HVCN1: variants seen among roughly 807,000 people sequenced by gnomAD.
HVCN1 encodes voltage-gated hydrogen channel 1.
HVCN1 carries 14 observed loss-of-function variants against 29.2 expected under a neutral mutation model. The observed-to-expected ratio is 0.48, with a 90% confidence interval of 0.32 to 0.75. The LOEUF (loss-of-function observed/expected upper bound fraction) is 0.75. HVCN1 is among the 30% of genes least tolerant of loss of function. The probability of loss-of-function intolerance (pLI) is 0.04; values close to 1 mark genes in which losing one functional copy is unlikely to be tolerated. For synonymous variants in HVCN1, 131 were observed against 133.2 expected (o/e 0.98, Z 0.11); for missense variants, 263 against 341.8 (o/e 0.77, Z 1.82).
upstream of HVCN1, among the ~76,000 whole-genome samples, chr12:110,691,825 A>G (rs933600123): frequency 6.6e-5 from 10 of 151,234 alleles, no homozygotes; most frequent in African/African-American, 2.5e-4. Flanking sequence ...CTCCCTGGGT[A>G]CTTGCCTCTG....
intron 5 of HVCN1, 111 bp from the exon 6 acceptor site, chr12:110,651,559 T>C: frequency 1.4e-6 from 1 of 712,394 alleles, no homozygotes; most frequent in Non-Finnish European, 2.5e-6. Context: ...GGTGGACAAA[T>C]CCAGATGCCC....
At chr12:110,693,251 C>T (rs1358396989), upstream of HVCN1, among the ~76,000 whole-genome samples, 1 of 151,948 alleles carries the variant, frequency 6.6e-6, no homozygotes, top group Admixed American at 6.6e-5. Context: ...GCATTACAAA[C>T]GTCACTAACT....
rs560463058 is a variant in HVCN1, at chr12:110,650,461, A to T, written c.644-181T>A. Among the ~76,000 whole-genome samples, 3 of 152,308 alleles carry T rather than the reference A, an allele frequency of 2.0e-5. No homozygotes were observed. The South Asian group carries it at 6.2e-4, about 32-fold the overall frequency. Reference sequence around the variant, plus strand: ...TTTGTGTCTGAGCTACTTAGTACCCAGTTACACAGTATCTCTCTTTAGCTG... The same window carrying T: ...TTTGTGTCTGAGCTACTTAGTACCCTGTTACACAGTATCTCTCTTTAGCTG... On this transcript the variant is annotated intron_variant, in intron 6 of 7. Transcript: ENST00000242607.
chr12:110,678,231 G>A (rs1308140394), intron 3 of HVCN1, among the ~76,000 whole-genome samples: 1 of 152,130 alleles, frequency 6.6e-6, no homozygotes, highest in Non-Finnish European at 1.5e-5. Flanking sequence ...TCCTCCTGCG[G>A]GACCCCTCAT....
chr12:110,702,712 T>TGGCACAATCTTGGCTCACTGCAAC (rs1251180847), intron 1 of HVCN1, among the ~76,000 whole-genome samples: 1 of 151,460 alleles, frequency 6.6e-6, no homozygotes, highest in Non-Finnish European at 1.5e-5. Context: ...TGGAGTGCAA[T>TGGCACAATCTTGGCTCACTGCAAC]GGCACAATCT....
Position 110,661,018 on chromosome 12 carries a change from G to C in HVCN1, c.306+146C>G. The C allele has an allele frequency of 3.9e-6, 3 of 771,128 alleles. No homozygotes were observed. The highest frequency in any genetic ancestry group is 6.5e-6 in the Non-Finnish European group (3 of 459,670). The allele number at this position is 771,128 out of a possible 1,614,324, so 47.8% of individuals were successfully genotyped here. ...CCTACCGCATTCCCAGCACGGTACAGGGTCCCCGGCACGTGGTAGGTGCTG... is the reference window on the plus strand; with the variant it reads ...CCTACCGCATTCCCAGCACGGTACACGGTCCCCGGCACGTGGTAGGTGCTG... On this transcript the variant is annotated intron_variant, in intron 4 of 7. Coordinates refer to ENST00000242607, the MANE Select transcript of HVCN1 (RefSeq NM_032369.4). This position sits in a 1 kb window ranked among gnomAD's most constrained non-coding sequence, Gnocchi z 6.2.
At chr12:110,704,027 A>T (rs1217450792) in intron 1 of HVCN1, among the ~76,000 whole-genome samples, 2 of 152,064 alleles carry the variant, frequency 1.3e-5, no homozygotes, top group Non-Finnish European at 2.9e-5. Context: ...CTTATTAAAA[A>T]TTTTTTGGGA....
intron 5 of HVCN1, 128 bp from the exon 6 acceptor site, chr12:110,651,576 G>A: frequency 1.5e-6 from 1 of 672,400 alleles, no homozygotes; most frequent in Non-Finnish European, 2.7e-6. Flanking sequence ...GCCCAGTGCT[G>A]GAAACACAGC....
At chr12:110,685,274 G>T (rs1487075230) in intron 2 of HVCN1, among the ~76,000 whole-genome samples, 1 of 152,120 alleles carries the variant, frequency 6.6e-6, no homozygotes, top group African/African-American at 2.4e-5. Flanking sequence ...GATGGAGGAT[G>T]GGGCCTCAAT....
rs1475524246 is a variant in HVCN1 at position 110,655,353 on chromosome 12, A to T, written c.307-15T>A. On this transcript the variant is annotated splice_polypyrimidine_tract_variant and intron_variant, in intron 4 of 7. Coordinates refer to ENST00000242607, the MANE Select transcript of HVCN1 (RefSeq NM_032369.4). ...ATGATGATGACCTGTGGGCCGAGGG[A>T]AGGTGCCAGAGATCATGAGACCCCC... The T allele has an allele frequency of 6.2e-7, 1 of 1,600,410 alleles. No individual in the cohort carries two copies. Among genetic ancestry groups the T allele is most frequent in the East Asian group, 2.2e-5 (1 of 44,778 alleles).
chr12:110,692,239 G>A (rs2069419445), upstream of HVCN1, among the ~76,000 whole-genome samples: 1 of 152,200 alleles, frequency 6.6e-6, no homozygotes, highest in African/African-American at 2.4e-5. Flanking sequence ...TACAAAGACT[G>A]AAAAGAGAAA....
intron 3 of HVCN1, among the ~76,000 whole-genome samples, chr12:110,665,449 G>A (rs2068312256): frequency 6.6e-6 from 1 of 151,784 alleles, no homozygotes; most frequent in South Asian, 2.1e-4. Context: ...CCAGCTACTT[G>A]GGAGGCTGAG....
chr12:110,684,681 C>T lies in HVCN1; in HGVS notation c.-19-1417G>A, dbSNP rs184719161. 4.6e-5 allele frequency among the ~76,000 whole-genome samples: 7 copies of T among 152,330 alleles called. No homozygotes were observed. The East Asian group carries it at 1.3e-3, about 29-fold the overall frequency. Reference sequence around the variant, plus strand: ...GTGATCTGGGTGTGGGGCTTTCCTTCTCTGCTTCTGGGAGGCGTGAACTTT... The same window carrying T: ...GTGATCTGGGTGTGGGGCTTTCCTTTTCTGCTTCTGGGAGGCGTGAACTTT... On this transcript the variant is annotated intron_variant, in intron 2 of 7. Transcript: ENST00000242607.
Position 110,678,693 on chromosome 12 carries a change from C to A in HVCN1, c.21+4532G>T, listed in dbSNP as rs370685111. Reference sequence around the variant, plus strand: ...TCTCAAACTCCTGACCTCAAGTGATCCGCCTGCCTTGGCCTCCCAAAGTGC... The same window carrying A: ...TCTCAAACTCCTGACCTCAAGTGATACGCCTGCCTTGGCCTCCCAAAGTGC... On this transcript the variant is annotated intron_variant, in intron 3 of 7. Coordinates refer to ENST00000242607, the MANE Select transcript of HVCN1 (RefSeq NM_032369.4). Among the ~76,000 whole-genome samples, 59 of 152,232 alleles carry A rather than the reference C, an allele frequency of 3.9e-4. 1 individual carries two copies. Among genetic ancestry groups the A allele is most frequent in the African/African-American group, 1.4e-3 (57 of 41,544 alleles).
At chr12:110,672,465 C>T (rs1427206212) in intron 3 of HVCN1, among the ~76,000 whole-genome samples, 1 of 152,174 alleles carries the variant, frequency 6.6e-6, no homozygotes, top group East Asian at 1.9e-4. Context: ...GCCTGTAGAC[C>T]TCACACACCC....
intron 3 of HVCN1, among the ~76,000 whole-genome samples, chr12:110,675,604 A>G (rs2068727157): frequency 6.6e-6 from 1 of 151,892 alleles, no homozygotes; most frequent in African/African-American, 2.4e-5. Flanking sequence ...TCAGCAACAA[A>G]AATGACATTT....
intron 2 of HVCN1, among the ~76,000 whole-genome samples, chr12:110,684,716 T>C (rs1432324489): frequency 6.6e-6 from 1 of 152,182 alleles, no homozygotes; most frequent in African/African-American, 2.4e-5. Context: ...TTACAATGAG[T>C]AGGTGTTACT....
At chr12:110,703,362 T>G (rs910875823) in intron 1 of HVCN1, among the ~76,000 whole-genome samples, 7 of 151,520 alleles carry the variant, frequency 4.6e-5, no homozygotes, top group Non-Finnish European at 7.4e-5. Context: ...GCCCTCCAGC[T>G]TAGAAGACAG....
At chr12:110,663,745 T>C (rs2068257018) in intron 3 of HVCN1, among the ~76,000 whole-genome samples, 1 of 152,074 alleles carries the variant, frequency 6.6e-6, no homozygotes, top group Non-Finnish European at 1.5e-5. Context: ...GTGATGCCCA[T>C]GTGTACCCAC....
Sources: gnomAD v4.1 joint callset for allele counts (sites outside exome capture counted in the v4.1 genomes callset) on GRCh38, gnomAD v4.1.1 for gene constraint, Gnocchi (gnomAD v3.1) non-coding constraint, MANE v1.5 for transcripts, NCBI Gene and HGNC (gene_info 2026-07-23, HGNC 2026-07-21) for gene names.